Variants in GFRA2 observed in about 807,000 individuals in gnomAD.
GFRA2 encodes GDNF family receptor alpha 2.
In GFRA2, 17 loss-of-function variants were observed where a neutral mutation model predicts 48.3. The observed-to-expected ratio is 0.35, with a 90% CI of 0.24 to 0.53. GFRA2 has a LOEUF of 0.53. GFRA2 is among the 20% of genes least tolerant of loss of function. GFRA2 has a pLI of 0.93. For missense variants in GFRA2, 660 were observed against 637.3 expected, an observed-to-expected ratio of 1.04 and a Z score of -0.38; for synonymous variants, 305 against 257.2, an observed-to-expected ratio of 1.19 and a Z score of -1.78.
chr8:21,694,348 G>T, intron 8 of GFRA2, 116 bp downstream of exon 8: 2 of 1,003,950 alleles, frequency 2.0e-6, no homozygotes, highest in Non-Finnish European at 3.0e-6. Flanking sequence ...CAGAAGCTCA[G>T]CTGGCCCAGC....
chr8:21,700,203 C>T (rs1007147901), intron 7 of GFRA2, among the ~76,000 whole-genome samples: 15 of 152,062 alleles, frequency 9.9e-5, no homozygotes, highest in African/African-American at 3.4e-4. Context: ...GCTCTAGAGC[C>T]CAGTGGGATG....
intron 4 of GFRA2, among the ~76,000 whole-genome samples, chr8:21,741,227 G>A (rs1804729182): frequency 6.6e-6 from 1 of 152,036 alleles, no homozygotes. Flanking sequence ...ACCTCAACCT[G>A]TGCATCTCTC....
intron 3 of GFRA2, among the ~76,000 whole-genome samples, chr8:21,760,923 C>G (rs1294777873): frequency 1.3e-5 from 2 of 152,248 alleles, no homozygotes; most frequent in African/African-American, 4.8e-5. Context: ...CTGACACCCC[C>G]CCAAATACTT....
At chr8:21,748,992 C>T (rs377632333) in intron 4 of GFRA2, among the ~76,000 whole-genome samples, 1 of 152,200 alleles carries the variant, frequency 6.6e-6, no homozygotes, top group Non-Finnish European at 1.5e-5. Flanking sequence ...CTCCCCTGGA[C>T]ACCCAGGATA....
intron 1 of GFRA2, among the ~76,000 whole-genome samples, chr8:21,809,400 C>T (rs911543718): frequency 6.6e-6 from 1 of 152,238 alleles, no homozygotes; most frequent in Non-Finnish European, 1.5e-5. Context: ...TCTCAGCTCA[C>T]GGCAAGCTCC....
chr8:21,705,425 C>T (rs929987883), intron 5 of GFRA2, among the ~76,000 whole-genome samples: 1 of 152,180 alleles, frequency 6.6e-6, no homozygotes, highest in Non-Finnish European at 1.5e-5. Flanking sequence ...TGTCCTTCAC[C>T]AGCAAGCAGC....
chr8:21,783,751 G>A (rs954819532), intron 1 of GFRA2, among the ~76,000 whole-genome samples: 1 of 151,770 alleles, frequency 6.6e-6, no homozygotes, highest in African/African-American at 2.4e-5. Flanking sequence ...GGCAAGCCTG[G>A]GGAGCATCCA....
intron 2 of GFRA2, among the ~76,000 whole-genome samples, chr8:21,799,437 C>T (rs899681731): frequency 2.0e-5 from 3 of 152,104 alleles, no homozygotes; most frequent in African/African-American, 2.4e-5. Context: ...CAGGTGGTCT[C>T]GATCTCCGTT....
intron 1 of GFRA2, 90 bp downstream of exon 1, chr8:21,788,030 C>CGA: frequency 1.5e-6 from 1 of 652,230 alleles, no homozygotes; most frequent in African/African-American, 2.0e-5. Context: ...CCCCGCCGAC[C>CGA]TCCCGCCAGC....
chr8:21,752,727 T>C (rs1805358851), intron 3 of GFRA2, among the ~76,000 whole-genome samples: 1 of 151,928 alleles, frequency 6.6e-6, no homozygotes, highest in African/African-American at 2.4e-5. Flanking sequence ...CCCAACCCCG[T>C]ATTTCCCCCC....
At chr8:21,769,794 G>A (rs891738520) in intron 3 of GFRA2, among the ~76,000 whole-genome samples, 2 of 152,174 alleles carry the variant, frequency 1.3e-5, no homozygotes, top group Non-Finnish European at 2.9e-5. Flanking sequence ...CCAGGGGCCG[G>A]TGGTGGTTAC....
At chr8:21,732,171 G>A (rs1321588394) in intron 4 of GFRA2, among the ~76,000 whole-genome samples, 1 of 152,256 alleles carries the variant, frequency 6.6e-6, no homozygotes, top group African/African-American at 2.4e-5. Flanking sequence ...AGACACAGCA[G>A]GGGAGATGGA....
intron 1 of GFRA2, among the ~76,000 whole-genome samples, chr8:21,787,708 T>C (rs1255065441): frequency 6.6e-6 from 1 of 152,184 alleles, no homozygotes; most frequent in African/African-American, 2.4e-5. Flanking sequence ...CCCGCAGGAC[T>C]GTTCTCTCCC....
intron 6 of GFRA2, 118 bp downstream of exon 6, chr8:21,704,867 C>A (rs559870625): frequency 3.7e-6 from 3 of 816,236 alleles, no homozygotes; most frequent in South Asian, 1.5e-5. Context: ...ACACCCATGG[C>A]GGAGAAGCCT....
intron 2 of GFRA2, among the ~76,000 whole-genome samples, chr8:21,800,065 T>C (rs1392773246): frequency 6.6e-6 from 1 of 152,236 alleles, no homozygotes; most frequent in Non-Finnish European, 1.5e-5. Context: ...TCCCATTTCC[T>C]TTCAGCCAGC....
intron 1 of GFRA2, among the ~76,000 whole-genome samples, chr8:21,784,900 C>T (rs1450235827): frequency 1.3e-5 from 2 of 152,158 alleles, no homozygotes; most frequent in Non-Finnish European, 1.5e-5. Flanking sequence ...GCAGGACCCG[C>T]GTACAGCCGG....
At chr8:21,792,436 C>CCCA (rs1807589068), upstream of GFRA2, among the ~76,000 whole-genome samples, 2 of 152,196 alleles carry the variant, frequency 1.3e-5, no homozygotes, top group Admixed American at 1.3e-4. Flanking sequence ...AGAGCCTGAT[C>CCCA]CAGGGCACCC....
chr8:21,775,168 A>AAGGAAAAGAGAC (rs1806634475), intron 2 of GFRA2, 113 bp from the exon 3 acceptor site: 1 of 679,166 alleles, frequency 1.5e-6, no homozygotes, highest in Admixed American at 2.0e-5. Flanking sequence ...GTGCCACCCA[A>AAGGAAAAGAGAC]AGGATAAGAG....
chr8:21,787,967 C>T lies in GFRA2; in HGVS notation c.40+153G>A, dbSNP rs962217949. Among the ~76,000 whole-genome samples the T allele has an allele frequency of 5.9e-5, 9 of 151,952 alleles. No individual in the cohort carries two copies. In the South Asian group the frequency reaches 1.9e-3, roughly 32 times the overall value. On this transcript the variant is annotated intron_variant, in intron 1 of 8. Coordinates refer to ENST00000524240, the MANE Select transcript of GFRA2 (RefSeq NM_001495.5). ...GTCCCTCGTCCGCGTCCCTGCCGCC[C>T]GGCCCCGCTCGGTTCGCCAGCACCG... is the stretch of plus-strand genomic sequence containing the variant.
Sources: allele counts gnomAD v4.1 joint callset (sites outside exome capture counted in the v4.1 genomes callset), GRCh38; gene constraint gnomAD v4.1.1; transcripts MANE v1.5; gene names NCBI Gene and HGNC (gene_info 2026-07-23, HGNC 2026-07-21).